PTPRN2: variants seen among roughly 807,000 people sequenced by gnomAD.
PTPRN2 encodes receptor-type tyrosine-protein phosphatase N2.
PTPRN2 carries 74 observed loss-of-function variants against 118.8 expected under a neutral mutation model. The ratio of observed to expected loss-of-function variants is 0.62; its 90% CI spans 0.52 to 0.76. The LOEUF is 0.76. PTPRN2 is among the 30% of genes least tolerant of loss of function. PTPRN2 has a pLI of 0.00. For synonymous variants in PTPRN2, 641 were observed against 608.0 expected (o/e 1.05, Z -0.80); for missense variants, 1,481 against 1,394.4 (o/e 1.06, Z -0.99).
intron 11 of PTPRN2, among the ~76,000 whole-genome samples, chr7:157,949,016 G>A (rs953508676): frequency 2.0e-5 from 3 of 152,118 alleles, no homozygotes; most frequent in South Asian, 2.1e-4. Flanking sequence ...TTGAGTATGC[G>A]TGAATTTTGG....
chr7:157,987,155 T>G lies in PTPRN2; in HGVS notation c.1724-88418A>C, dbSNP rs930982328. On this transcript the variant is annotated intron_variant, in intron 11 of 22. Coordinates refer to ENST00000389418, the MANE Select transcript of PTPRN2 (RefSeq NM_002847.5). This position sits in a 1 kb window ranked among gnomAD's most constrained non-coding sequence, Gnocchi z 4.3. ...CACTGCCCCAGCACGCCGCCCACGCTTGGTCGGCAACACAGAGATTCCATT... is the reference window on the plus strand; with the variant it reads ...CACTGCCCCAGCACGCCGCCCACGCGTGGTCGGCAACACAGAGATTCCATT... Among the ~76,000 whole-genome samples the G allele has an allele frequency of 6.6e-6, 1 of 152,122 alleles. No individual in the cohort carries two copies. Among genetic ancestry groups the G allele is most frequent in the Non-Finnish European group, 1.5e-5 (1 of 68,014 alleles).
chr7:158,466,497 A>C (rs759116982), intron 2 of PTPRN2, among the ~76,000 whole-genome samples: 4 of 152,198 alleles, frequency 2.6e-5, no homozygotes, highest in Non-Finnish European at 2.9e-5. Flanking sequence ...CATGTTTTGA[A>C]AATGACAGGA....
At position 158,022,450 on chromosome 7, in the gene PTPRN2, C is replaced by G. The variant is rs1806956091; in HGVS notation, c.1723+58848G>C. ...CCATGATGTGTTCACAGCCAAGGCC[C>G]CGGCACCTGGGCACTCTGGGGCAGC... On this transcript the variant is annotated intron_variant, in intron 11 of 22. Transcript: ENST00000389418. This position sits in a 1 kb window ranked among gnomAD's most constrained non-coding sequence, Gnocchi z 4.6. 6.6e-6 allele frequency among the ~76,000 whole-genome samples: 1 copy of G among 152,200 alleles called. No individual in the cohort carries two copies.
Position 158,057,984 on chromosome 7 carries a change from T to C in PTPRN2, c.1723+23314A>G, listed in dbSNP as rs535977652. ...CCCTCCTCACAACCCATATACAGAA[T>C]GCTTCCTTAGTTGCAGGCTTTACAA... is the stretch of plus-strand genomic sequence containing the variant. On this transcript the variant is annotated intron_variant, in intron 11 of 22. Coordinates refer to ENST00000389418, the MANE Select transcript of PTPRN2 (RefSeq NM_002847.5). 5.2e-5 allele frequency among the ~76,000 whole-genome samples: 8 copies of C among 152,388 alleles called. 1 individual carries two copies. The East Asian group carries it at 1.5e-3, about 29-fold the overall frequency.
intron 4 of PTPRN2, among the ~76,000 whole-genome samples, chr7:158,196,745 G>A (rs574765646): frequency 1.8e-4 from 27 of 152,300 alleles, no homozygotes; most frequent in South Asian, 6.2e-4. Flanking sequence ...GTGGAAAGGC[G>A]ACTATAGATT....
At position 157,728,148 on chromosome 7, in the gene PTPRN2, C is replaced by T. The variant is rs112479089; in HGVS notation, c.1789-45211G>A. ...CTCAGCTGGGCAGACACATGCAGCC[C>T]GGAGGCCTGGGGTGTCCGGGTCCCA... On this transcript the variant is annotated intron_variant, in intron 12 of 22. Coordinates refer to ENST00000389418, the MANE Select transcript of PTPRN2 (RefSeq NM_002847.5). Among the ~76,000 whole-genome samples the T allele has an allele frequency of 4.0e-3, 615 of 152,256 alleles. 3 individuals are homozygous for T. Among genetic ancestry groups the T allele is most frequent in the Non-Finnish European group, 5.7e-3 (386 of 68,000 alleles).
rs1046037428 is a variant in PTPRN2 at position 157,541,512 on chromosome 7, C to T, written c.2977-727G>A. On this transcript the variant is annotated intron_variant, in intron 22 of 22. Transcript: ENST00000389418. The stretch of plus-strand genomic sequence containing the variant: ...TCCTCCAAAGACCAGGGCTTAGCGC[C>T]GGAGAGCGTATCTGCCTCCTCTCCC... 8.5e-5 allele frequency among the ~76,000 whole-genome samples: 13 copies of T among 152,372 alleles called. No individual in the cohort carries two copies. In the East Asian group the frequency reaches 1.5e-3, roughly 18 times the overall value.
chr7:158,449,043 G>A (rs1817920712), intron 2 of PTPRN2, among the ~76,000 whole-genome samples: 1 of 152,218 alleles, frequency 6.6e-6, no homozygotes, highest in African/African-American at 2.4e-5. Context: ...TGGATTCCAG[G>A]TTCCTTTGTG....
chr7:158,514,224 C>T (rs1181210230), intron 1 of PTPRN2, among the ~76,000 whole-genome samples: 2 of 152,198 alleles, frequency 1.3e-5, no homozygotes, highest in Non-Finnish European at 2.9e-5. Context: ...ACCTGGTATA[C>T]CTCTGGCTGT....
chr7:158,510,911 G>A (rs945226843), intron 1 of PTPRN2, among the ~76,000 whole-genome samples: 10 of 152,346 alleles, frequency 6.6e-5, no homozygotes, highest in African/African-American at 1.4e-4. Context: ...GAGGGCTGTC[G>A]TCGAGGAGGC....
chr7:158,173,363 C>A (rs1225463603), intron 5 of PTPRN2, among the ~76,000 whole-genome samples: 1 of 152,132 alleles, frequency 6.6e-6, no homozygotes, highest in Non-Finnish European at 1.5e-5. Context: ...TCAGGGGTAA[C>A]ATCACATATT....
intron 5 of PTPRN2, among the ~76,000 whole-genome samples, chr7:158,179,756 A>G (rs1172263521): frequency 6.6e-6 from 1 of 152,214 alleles, no homozygotes; most frequent in Non-Finnish European, 1.5e-5. Flanking sequence ...AACAGGGCCA[A>G]GGTGGAAGCA....
intron 2 of PTPRN2, among the ~76,000 whole-genome samples, chr7:158,355,013 G>T (rs868282458): frequency 9.5e-6 from 1 of 104,952 alleles, no homozygotes; most frequent in Non-Finnish European, 1.9e-5. Context: ...TGATACTTTC[G>T]GAGTCTTGAA....
At chr7:157,988,666 G>A (rs1273410559) in intron 11 of PTPRN2, among the ~76,000 whole-genome samples, 1 of 152,240 alleles carries the variant, frequency 6.6e-6, no homozygotes, top group East Asian at 1.9e-4. Context: ...GGAACCGGGG[G>A]AGGGATGCAC....
chr7:158,137,709 G>A (rs149164548), intron 7 of PTPRN2, among the ~76,000 whole-genome samples: 1 of 152,274 alleles, frequency 6.6e-6, no homozygotes, highest in Non-Finnish European at 1.5e-5. Flanking sequence ...AGAGGGGCAC[G>A]TCTGTCATTT....
At chr7:157,687,022 G>T (rs1201255749) in intron 12 of PTPRN2, among the ~76,000 whole-genome samples, 2 of 152,090 alleles carry the variant, frequency 1.3e-5, no homozygotes, top group African/African-American at 2.4e-5. Flanking sequence ...ATTTAGAATA[G>T]ACAGTATTGC....
At chr7:158,265,474 G>A (rs1342479217) in intron 3 of PTPRN2, among the ~76,000 whole-genome samples, 1 of 151,984 alleles carries the variant, frequency 6.6e-6, no homozygotes, top group Non-Finnish European at 1.5e-5. Context: ...CACACCTGGA[G>A]GTAGGCACCC....
rs1432939156 is a variant in PTPRN2 at position 157,618,832 on chromosome 7, C to G, written c.2344+2530G>C. 1 of 143,124 alleles carries G rather than the reference C, an allele frequency of 7.0e-6. No individual in the cohort carries two copies. Among genetic ancestry groups the G allele is most frequent in the Non-Finnish European group, 1.6e-5 (1 of 62,174 alleles). The allele number at this position is 143,124 out of a possible 1,614,324, so 8.9% of individuals were successfully genotyped here. A position where few individuals can be genotyped will look rare whatever the true frequency, so the allele number is the denominator to read the frequency against. On this transcript the variant is annotated intron_variant, in intron 15 of 22. Coordinates refer to ENST00000389418, the MANE Select transcript of PTPRN2 (RefSeq NM_002847.5). This position sits in a 1 kb window ranked among gnomAD's most constrained non-coding sequence, Gnocchi z 4.2. ...CGTTCTCTGTCTTCCCTGGTGGCCT[C>G]TCAACCCTGAAGGGCAGTGCTGTGT...
At chr7:158,397,178 C>A (rs890727693) in intron 2 of PTPRN2, among the ~76,000 whole-genome samples, 2 of 152,208 alleles carry the variant, frequency 1.3e-5, no homozygotes, top group Non-Finnish European at 2.9e-5. Flanking sequence ...TCCTTCCTTG[C>A]GTAATCTCAA....
Sources: allele counts gnomAD v4.1 joint callset (sites outside exome capture counted in the v4.1 genomes callset), GRCh38; gene constraint gnomAD v4.1.1; non-coding constraint Gnocchi (gnomAD v3.1); transcripts MANE v1.5; gene names NCBI Gene and HGNC (gene_info 2026-07-23, HGNC 2026-07-21).